IGF2BP1: variants seen among roughly 807,000 people sequenced by gnomAD.
IGF2BP1 encodes insulin-like growth factor 2 mRNA-binding protein 1.
A neutral mutation model predicts 74.9 loss-of-function variants in IGF2BP1; 11 were observed. That is an observed-to-expected ratio of 0.15 (90% CI 0.09 to 0.24). The LOEUF (loss-of-function observed/expected upper bound fraction) is 0.24, where lower values mean the gene tolerates loss of function less well. IGF2BP1 is among the 10% of genes least tolerant of loss of function. IGF2BP1 has a pLI of 1.00. For synonymous variants in IGF2BP1, 287 were observed against 281.8 expected, an observed-to-expected ratio of 1.02 and a Z score of -0.18; for missense variants, 440 against 757.4, an observed-to-expected ratio of 0.58 and a Z score of 4.92.
At chr17:49,019,922 ATATATATAT>A (rs1322830053) in intron 2 of IGF2BP1, among the ~76,000 whole-genome samples, 1 of 57,464 alleles carries the variant, frequency 1.7e-5, no homozygotes, top group Non-Finnish European at 3.2e-5. Context: ...ATATATATAT[ATATATATAT>A]ATATATATAT....
intron 2 of IGF2BP1, among the ~76,000 whole-genome samples, chr17:49,007,020 C>T (rs1230663787): frequency 1.3e-5 from 2 of 152,078 alleles, no homozygotes; most frequent in African/African-American, 4.8e-5. Flanking sequence ...CGGCTACTGT[C>T]AAAGGTGTAC....
At chr17:49,021,083 C>T (rs1477147415) in intron 2 of IGF2BP1, among the ~76,000 whole-genome samples, 1 of 151,694 alleles carries the variant, frequency 6.6e-6, no homozygotes, top group Non-Finnish European at 1.5e-5. Flanking sequence ...GTCGAGGCTG[C>T]AGTGAGCCAA....
At position 49,042,063 on chromosome 17, in the gene IGF2BP1, C is replaced by T. The variant is rs373611159; in HGVS notation, c.942-179C>T. On this transcript the variant is annotated intron_variant, in intron 8 of 14. Coordinates refer to ENST00000290341, the MANE Select transcript of IGF2BP1 (RefSeq NM_006546.4). Reference sequence around the variant, plus strand: ...GTGTTGGCATCTCCCTCCATCTTACCCCCTGCCCTGGTTACAAACTGGGAA... The same window carrying T: ...GTGTTGGCATCTCCCTCCATCTTACTCCCTGCCCTGGTTACAAACTGGGAA... Among the ~76,000 whole-genome samples the T allele has an allele frequency of 2.6e-3, 390 of 152,272 alleles. 2 individuals carry two copies. The highest frequency in any genetic ancestry group is 8.7e-3 in the African/African-American group (363 of 41,552).
intron 3 of IGF2BP1, 137 bp downstream of exon 3, chr17:49,025,803 CTTTT>C: frequency 1.8e-6 from 1 of 542,114 alleles, no homozygotes; most frequent in Non-Finnish European, 3.3e-6. Flanking sequence ...TCCTTTCTTT[CTTTT>C]TTTCTTTTTG....
intron 2 of IGF2BP1, among the ~76,000 whole-genome samples, chr17:49,005,119 T>TAA (rs1190347332): frequency 2.0e-5 from 3 of 152,228 alleles, no homozygotes; most frequent in African/African-American, 4.8e-5. Flanking sequence ...ACCTGCTTAC[T>TAA]ACCTTGCAGC....
intron 4 of IGF2BP1, among the ~76,000 whole-genome samples, chr17:49,028,749 A>G (rs2041885262): frequency 6.6e-6 from 1 of 152,186 alleles, no homozygotes; most frequent in African/African-American, 2.4e-5. Context: ...AGTCTGCTCA[A>G]AAGTCACTTT....
intron 2 of IGF2BP1, among the ~76,000 whole-genome samples, chr17:49,024,627 G>A (rs8076012): frequency 0.54 from 81,770 of 151,980 alleles, 23,231 homozygotes; most frequent in African/African-American, 0.72. Context: ...TCTGTTTTAC[G>A]TAGGAAGAAA....
chr17:49,009,411 T>TA (rs1476886277), intron 2 of IGF2BP1, among the ~76,000 whole-genome samples: 2 of 151,976 alleles, frequency 1.3e-5, no homozygotes, highest in Non-Finnish European at 2.9e-5. Flanking sequence ...GTATTTTTTT[T>TA]AAAAAAATTA....
chr17:49,000,061 TTG>T (rs1465193964), intron 2 of IGF2BP1, among the ~76,000 whole-genome samples: 1 of 152,000 alleles, frequency 6.6e-6, no homozygotes. Context: ...AAATCTTGCA[TTG>T]AACTCTGAAA....
At position 49,048,275 on chromosome 17, in the gene IGF2BP1, T is replaced by A. The variant is rs539482063; in HGVS notation, c.1642-1077T>A. 1.7e-4 allele frequency among the ~76,000 whole-genome samples: 25 copies of A among 151,284 alleles called. 1 individual carries two copies. In the South Asian group the frequency reaches 5.2e-3, roughly 32 times the overall value. ...TTTTTACTTTTTTTTTTTTTTGAGA[T>A]GGAGTCTCGCTGTGTTGTCCAGGGT... On this transcript the variant is annotated intron_variant, in intron 14 of 14. Transcript: ENST00000290341.
intron 5 of IGF2BP1, 33 bp downstream of exon 5, chr17:49,032,006 T>TGGGGGGGGG: frequency 7.8e-6 from 7 of 899,330 alleles, no homozygotes; most frequent in Non-Finnish European, 1.2e-5. Flanking sequence ...CTGGGTGCGG[T>TGGGGGGGGG]GGGGGGGGGT....
At chr17:49,026,591 CT>C in intron 4 of IGF2BP1, 74 bp downstream of exon 4, 1 of 1,295,790 alleles carries the variant, frequency 7.7e-7, no homozygotes, top group Non-Finnish European at 1.1e-6. Flanking sequence ...TTCTGCTTCA[CT>C]TTGTTTCTTT....
At chr17:49,004,227 G>C (rs967542212) in intron 2 of IGF2BP1, among the ~76,000 whole-genome samples, 9 of 152,176 alleles carry the variant, frequency 5.9e-5, no homozygotes, top group Non-Finnish European at 1.2e-4. Flanking sequence ...ATCCCAGGCC[G>C]CTTGTGGTGC....
At position 49,049,447 on chromosome 17, in the gene IGF2BP1, A is replaced by G. The variant is rs747526677; in HGVS notation, c.*3A>G. On this transcript the variant is annotated 3_prime_UTR_variant, in exon 15 of 15. Transcript: ENST00000290341. ...AGGCCCAGGCACGGAGGAAGTGACC[A>G]GCCCCTCCCTGTCCCTTCGAGTCCA... 2.5e-6 allele frequency: 4 copies of G among 1,613,062 alleles called. No homozygotes were observed. Among genetic ancestry groups the G allele is most frequent in the Non-Finnish European group, 3.4e-6 (4 of 1,179,048 alleles).
intron 1 of IGF2BP1, among the ~76,000 whole-genome samples, chr17:48,998,285 A>G (rs1053355972): frequency 1.3e-5 from 2 of 151,860 alleles, no homozygotes; most frequent in African/African-American, 4.8e-5. Flanking sequence ...GCCCCTCCCT[A>G]TCCGCCGGTG....
At chr17:49,039,927 A>G (rs1567825393) in intron 6 of IGF2BP1, 30 bp from the exon 7 acceptor site, 1 of 1,610,648 alleles carries the variant, frequency 6.2e-7, no homozygotes, top group Non-Finnish European at 8.5e-7. Flanking sequence ...ACTGGGGACA[A>G]CTAACCAGCC....
chr17:49,028,985 T>C (rs531475483), intron 4 of IGF2BP1, among the ~76,000 whole-genome samples: 1 of 152,200 alleles, frequency 6.6e-6, no homozygotes, highest in South Asian at 2.1e-4. Flanking sequence ...TTTTGTACTT[T>C]TAGTAGAGAT....
At chr17:49,033,333 T>A (rs1489501198) in intron 5 of IGF2BP1, among the ~76,000 whole-genome samples, 1 of 150,628 alleles carries the variant, frequency 6.6e-6, no homozygotes, top group African/African-American at 2.5e-5. Flanking sequence ...TTTTTTTTAA[T>A]CTTTTAATTT....
intron 2 of IGF2BP1, among the ~76,000 whole-genome samples, chr17:49,015,145 G>GT (rs1041419236): frequency 1.3e-5 from 2 of 152,160 alleles, no homozygotes; most frequent in African/African-American, 4.8e-5. Flanking sequence ...GCTAATTTTT[G>GT]TATTTTTAGT....
Sources: allele counts gnomAD v4.1 joint callset (sites outside exome capture counted in the v4.1 genomes callset), GRCh38; gene constraint gnomAD v4.1.1; transcripts MANE v1.5; gene names NCBI Gene and HGNC (gene_info 2026-07-23, HGNC 2026-07-21).